The following GLIS3 variants were observed in gnomAD, a reference collection of about 807,000 sequenced individuals.
GLIS3 encodes the protein GLIS family zinc finger 3.
A neutral mutation model predicts 78.6 loss-of-function variants in GLIS3; 53 were observed. The observed-to-expected ratio is 0.67, with a 90% CI of 0.54 to 0.85. The LOEUF (loss-of-function observed/expected upper bound fraction) is 0.85, where lower values mean the gene tolerates loss of function less well. Among genes scored for constraint, GLIS3 ranks in the 40% least tolerant of loss-of-function variants. The pLI is 0.00. For missense variants in GLIS3, 1,703 were observed against 1,231.1 expected (o/e 1.38, Z -5.74); for synonymous variants, 684 against 509.9 (o/e 1.34, Z -4.60).
At chr9:4,166,608 G>C (rs777346974) in intron 2 of GLIS3, among the ~76,000 whole-genome samples, 2 of 152,230 alleles carry the variant, frequency 1.3e-5, no homozygotes, top group African/African-American at 4.8e-5. Context: ...CTCCTTCCAG[G>C]AGTTCAGTTT....
intron 2 of GLIS3, among the ~76,000 whole-genome samples, chr9:4,136,638 T>C (rs922945304): frequency 2.0e-5 from 3 of 151,980 alleles, no homozygotes; most frequent in Admixed American, 6.5e-5. Flanking sequence ...AGCTAAAACA[T>C]GAAGGAAGAA....
At chr9:4,408,671 G>A in the GLIS3 span, among the ~76,000 whole-genome samples, 37 of 133,976 alleles carry the variant, frequency 2.8e-4, no homozygotes, top group African/African-American at 9.4e-4. Flanking sequence ...AGCTTGCAGT[G>A]AGCCGAGATC....
At chr9:4,264,238 T>G (rs1010864209) in intron 2 of GLIS3, among the ~76,000 whole-genome samples, 2 of 152,176 alleles carry the variant, frequency 1.3e-5, no homozygotes, top group African/African-American at 4.8e-5. Flanking sequence ...TTCTTATTGC[T>G]GCACAACCAA....
chr9:4,164,795 G>A (rs984967366), intron 2 of GLIS3, among the ~76,000 whole-genome samples: 3 of 152,126 alleles, frequency 2.0e-5, no homozygotes, highest in Admixed American at 2.0e-4. Context: ...AGGGAGGAAG[G>A]CAGTAAAACT....
At chr9:4,332,378 C>T (rs536000489) in intron 2 of GLIS3, among the ~76,000 whole-genome samples, 4 of 152,354 alleles carry the variant, frequency 2.6e-5, no homozygotes, top group African/African-American at 7.2e-5. Flanking sequence ...CAAGCTTTAG[C>T]TGAGCACACG....
intron 4 of GLIS3, among the ~76,000 whole-genome samples, chr9:4,011,814 A>C (rs1159237153): frequency 6.6e-6 from 1 of 152,156 alleles, no homozygotes; most frequent in African/African-American, 2.4e-5. Flanking sequence ...TATTCATGGG[A>C]AACTGGGCAT....
chr9:4,264,342 C>G (rs1243915112), intron 2 of GLIS3, among the ~76,000 whole-genome samples: 1 of 152,226 alleles, frequency 6.6e-6, no homozygotes, highest in African/African-American at 2.4e-5. Context: ...GACCATCTCT[C>G]TCCCCAGGGC....
At chr9:4,378,855 T>C in the GLIS3 span, among the ~76,000 whole-genome samples, 1 of 152,186 alleles carries the variant, frequency 6.6e-6, no homozygotes, top group Admixed American at 6.5e-5. Flanking sequence ...TTAGGGAATC[T>C]GGGCATGGCC....
At chr9:4,410,391 C>A in the GLIS3 span, among the ~76,000 whole-genome samples, 3 of 152,068 alleles carry the variant, frequency 2.0e-5, no homozygotes, top group Non-Finnish European at 4.4e-5. Flanking sequence ...ATCCTTAATT[C>A]TTTAGTTACA....
chr9:4,230,545 G>C (rs2131363060), intron 2 of GLIS3, among the ~76,000 whole-genome samples: 1 of 152,270 alleles, frequency 6.6e-6, no homozygotes, highest in South Asian at 2.1e-4. Flanking sequence ...TGTGGACCTA[G>C]AAAAGAAGGA....
the GLIS3 span, chr9:4,490,390 T>G: frequency 4.7e-6 from 1 of 214,482 alleles, no homozygotes; most frequent in Non-Finnish European, 8.9e-6. Flanking sequence ...GGCCTGCCGC[T>G]CCTCCCTCCT....
At chr9:4,005,741 C>T (rs1008509018) in intron 4 of GLIS3, among the ~76,000 whole-genome samples, 2 of 152,156 alleles carry the variant, frequency 1.3e-5, no homozygotes, top group African/African-American at 2.4e-5. Context: ...CATCTGCCAA[C>T]AGAATGAATT....
At chr9:3,877,090 A>C (rs1479943708) in intron 8 of GLIS3, among the ~76,000 whole-genome samples, 1 of 152,146 alleles carries the variant, frequency 6.6e-6, no homozygotes, top group Admixed American at 6.5e-5. Context: ...GACTATAGAT[A>C]AGGAGGTGCA....
chr9:4,215,296 G>A (rs1820717827), intron 2 of GLIS3, among the ~76,000 whole-genome samples: 1 of 151,528 alleles, frequency 6.6e-6, no homozygotes, highest in South Asian at 2.1e-4. Context: ...TTTTGCCTGT[G>A]AGGGGAGAGA....
intron 4 of GLIS3, among the ~76,000 whole-genome samples, chr9:3,955,767 T>C (rs1464813546): frequency 1.3e-5 from 2 of 152,114 alleles, no homozygotes; most frequent in Non-Finnish European, 2.9e-5. Flanking sequence ...TAGTTAAGGA[T>C]AGACTGTTCA....
chr9:4,103,835 C>G (rs950254460), intron 4 of GLIS3, among the ~76,000 whole-genome samples: 1 of 152,168 alleles, frequency 6.6e-6, no homozygotes, highest in Non-Finnish European at 1.5e-5. Flanking sequence ...ATATTGATGG[C>G]AGGCTAACTT....
At chr9:3,866,305 A>G (rs1820577170) in intron 8 of GLIS3, among the ~76,000 whole-genome samples, 1 of 152,172 alleles carries the variant, frequency 6.6e-6, no homozygotes, top group Non-Finnish European at 1.5e-5. Flanking sequence ...CGAGAAGTCA[A>G]TGAAGGAAAA....
Position 4,334,411 on chromosome 9 carries a change from G to A in GLIS3, n.264+12670C>T, listed in dbSNP as rs541683111. Among the ~76,000 whole-genome samples the A allele has an allele frequency of 4.6e-5, 7 of 152,324 alleles. 1 individual carries two copies. The highest frequency in any genetic ancestry group is 1.7e-4 in the African/African-American group (7 of 41,566). On this transcript the variant is annotated intron_variant and non_coding_transcript_variant, in intron 2 of 4. Transcript: ENST00000471664. Reference sequence around the variant, plus strand: ...TGTCAAGGAGCTGGTGGCTGGAGAGGCAAGGAAGCTGGTCAGTGCCCTCTG... The same window carrying A: ...TGTCAAGGAGCTGGTGGCTGGAGAGACAAGGAAGCTGGTCAGTGCCCTCTG...
chr9:3,893,583 CAATTCT>C (rs1390479968), intron 7 of GLIS3, among the ~76,000 whole-genome samples: 1 of 152,254 alleles, frequency 6.6e-6, no homozygotes, highest in Non-Finnish European at 1.5e-5. Context: ...TACTACAGTG[CAATTCT>C]AATTCTAACT....
Sources: allele counts gnomAD v4.1 joint callset (sites outside exome capture counted in the v4.1 genomes callset), GRCh38; gene constraint gnomAD v4.1.1; transcripts MANE v1.5; gene names NCBI Gene and HGNC (gene_info 2026-07-23, HGNC 2026-07-21).